The following ATRNL1 variants were observed in gnomAD, a reference collection of about 807,000 sequenced individuals.
ATRNL1 encodes attractin like 1.
Under a neutral mutation model 182.7 loss-of-function variants are expected in ATRNL1, and 95 were observed. That is an observed-to-expected ratio of 0.52 (90% CI 0.44 to 0.62). The LOEUF (loss-of-function observed/expected upper bound fraction) is 0.62, where lower values mean the gene tolerates loss of function less well. Ranked by LOEUF, ATRNL1 falls within the 20% of genes least tolerant of loss-of-function variation. The probability of loss-of-function intolerance (pLI) is 0.00; values close to 1 mark genes in which losing one functional copy is unlikely to be tolerated. For missense variants in ATRNL1, 1,471 were observed against 1,679.5 expected, an observed-to-expected ratio of 0.88 and a Z score of 2.17; for synonymous variants, 576 against 568.3, an observed-to-expected ratio of 1.01 and a Z score of -0.19.
intron 28 of ATRNL1, among the ~76,000 whole-genome samples, chr10:115,937,519 G>A (rs1953597037): frequency 6.6e-6 from 1 of 152,170 alleles, no homozygotes; most frequent in Non-Finnish European, 1.5e-5. Flanking sequence ...AAATTAAAAT[G>A]GAAATGCATA....
chr10:115,296,593 A>G (rs550157017), intron 15 of ATRNL1, among the ~76,000 whole-genome samples: 21 of 152,358 alleles, frequency 1.4e-4, no homozygotes, highest in Admixed American at 1.2e-3. Context: ...CCCCATTAAT[A>G]AAACTGATGA....
chr10:115,138,482 C>CT (rs1380893906), intron 5 of ATRNL1, among the ~76,000 whole-genome samples: 1 of 152,212 alleles, frequency 6.6e-6, no homozygotes, highest in Non-Finnish European at 1.5e-5. Context: ...TGAAGGTTCC[C>CT]AAACCTCAAT....
chr10:115,712,732 G>T (rs1947098213), intron 26 of ATRNL1, among the ~76,000 whole-genome samples: 1 of 152,004 alleles, frequency 6.6e-6, no homozygotes, highest in Non-Finnish European at 1.5e-5. Flanking sequence ...GCCAGGCGTG[G>T]TGATGTGCGC....
intron 19 of ATRNL1, among the ~76,000 whole-genome samples, chr10:115,372,649 T>C (rs1360207445): frequency 6.6e-6 from 1 of 152,228 alleles, no homozygotes; most frequent in East Asian, 1.9e-4. Context: ...TTATTGTGTG[T>C]TCTTGCCACC....
At chr10:115,334,494 G>T in intron 19 of ATRNL1, 75 bp downstream of exon 19, 1 of 1,189,506 alleles carries the variant, frequency 8.4e-7, no homozygotes, top group Non-Finnish European at 1.1e-6. Context: ...GCCTGTTGTG[G>T]AGAATATATA....
At chr10:115,864,749 G>T (rs782233780) in intron 28 of ATRNL1, among the ~76,000 whole-genome samples, 2 of 152,164 alleles carry the variant, frequency 1.3e-5, no homozygotes, top group Non-Finnish European at 2.9e-5. Flanking sequence ...TTGGGAGGCC[G>T]AGGTGGGCGG....
At chr10:115,545,598 G>A (rs1231710546) in intron 25 of ATRNL1, among the ~76,000 whole-genome samples, 1 of 152,102 alleles carries the variant, frequency 6.6e-6, no homozygotes, top group Non-Finnish European at 1.5e-5. Context: ...GTTTAGATAA[G>A]AAAGAATTTA....
At chr10:115,920,865 TAAG>T (rs1447043131) in intron 28 of ATRNL1, among the ~76,000 whole-genome samples, 1 of 152,184 alleles carries the variant, frequency 6.6e-6, no homozygotes, top group East Asian at 1.9e-4. Context: ...AAGAAGAAGT[TAAG>T]AAGTATCAAA....
In ATRNL1 at chr10:115,841,779, T is replaced by C. The variant is rs531244380; in HGVS notation, c.3904-6098T>C. On this transcript the variant is annotated intron_variant, in intron 27 of 28. Transcript: ENST00000355044. The stretch of plus-strand genomic sequence containing the variant: ...AGAATATGATTTTCGCTTCCATTTT[T>C]TTCCCCAAGCCTAAACAATGGAATC... 5.3e-5 allele frequency among the ~76,000 whole-genome samples: 8 copies of C among 152,210 alleles called. No individual in the cohort carries two copies. In the South Asian group the frequency reaches 1.7e-3, roughly 32 times the overall value.
At chr10:115,678,487 A>G (rs1945940650) in intron 26 of ATRNL1, among the ~76,000 whole-genome samples, 1 of 151,986 alleles carries the variant, frequency 6.6e-6, no homozygotes, top group African/African-American at 2.4e-5. Flanking sequence ...TCATCATTAC[A>G]TTTTCTTTTA....
chr10:115,665,425 T>A lies in ATRNL1; in HGVS notation c.3796-61823T>A, dbSNP rs144798154. On this transcript the variant is annotated intron_variant, in intron 26 of 28. Coordinates refer to ENST00000355044, the MANE Select transcript of ATRNL1 (RefSeq NM_207303.4). The stretch of plus-strand genomic sequence containing the variant: ...TCGTGACTTTCAGTCAGTACTCTTT[T>A]GGCCTTTGAAAAAATACAGACCTGC... Among the ~76,000 whole-genome samples the A allele has an allele frequency of 1.6e-4, 24 of 152,242 alleles. No individual in the cohort carries two copies. The East Asian group carries it at 3.5e-3, about 22-fold the overall frequency.
intron 25 of ATRNL1, among the ~76,000 whole-genome samples, chr10:115,545,208 C>A (rs1320302948): frequency 1.4e-5 from 2 of 139,068 alleles, no homozygotes; most frequent in Non-Finnish European, 3.0e-5. Context: ...GCACTCCAGC[C>A]TGGGTGACAG....
chr10:115,359,506 G>A (rs1554943686), intron 19 of ATRNL1, among the ~76,000 whole-genome samples: 2 of 151,412 alleles, frequency 1.3e-5, no homozygotes, highest in African/African-American at 4.8e-5. Flanking sequence ...TTTATTTTCA[G>A]CAATTGGGCC....
At chr10:115,912,961 A>G (rs150201215) in intron 28 of ATRNL1, among the ~76,000 whole-genome samples, 189 of 152,254 alleles carry the variant, frequency 1.2e-3, no homozygotes, top group African/African-American at 4.5e-3. Context: ...AGAGCTCCCA[A>G]TTCCCCACAG....
chr10:115,384,266 T>C (rs1858204423), intron 19 of ATRNL1, among the ~76,000 whole-genome samples: 1 of 152,030 alleles, frequency 6.6e-6, no homozygotes, highest in Admixed American at 6.6e-5. Flanking sequence ...TCTTTAAAAG[T>C]GCCCTTAGAT....
intron 26 of ATRNL1, among the ~76,000 whole-genome samples, chr10:115,694,209 A>C (rs937358000): frequency 6.7e-6 from 1 of 148,916 alleles, no homozygotes; most frequent in African/African-American, 2.5e-5. Flanking sequence ...CACACTTCCC[A>C]CTGTATATCA....
chr10:115,093,531 G>A lies in ATRNL1; in HGVS notation c.-220G>A. 2.9e-6 allele frequency: 2 copies of A among 679,650 alleles called. No individual in the cohort carries two copies. The highest frequency in any genetic ancestry group is 5.3e-6 in the Non-Finnish European group (2 of 375,118). The allele number at this position is 679,650 out of a possible 1,614,324, so 42.1% of individuals were successfully genotyped here. ...GTCGGCCCGCTAAGGACAAGGTCGG[G>A]AGACTGGGTGGCGATGCCCGAGTGC... On this transcript the variant is annotated 5_prime_UTR_variant, in exon 1 of 29. Coordinates refer to ENST00000355044, the MANE Select transcript of ATRNL1 (RefSeq NM_207303.4). This position sits in a 1 kb window ranked among gnomAD's most constrained non-coding sequence, Gnocchi z 6.1.
intron 26 of ATRNL1, among the ~76,000 whole-genome samples, chr10:115,636,247 T>A (rs1315039805): frequency 6.6e-6 from 1 of 152,088 alleles, no homozygotes; most frequent in East Asian, 1.9e-4. Context: ...ATCCCTTGGT[T>A]CCGACACTCT....
chr10:115,751,171 G>A (rs901322213), intron 27 of ATRNL1, among the ~76,000 whole-genome samples: 4 of 151,962 alleles, frequency 2.6e-5, no homozygotes, highest in African/African-American at 9.7e-5. Flanking sequence ...AGGTTAGAAC[G>A]GTGTGATCAG....
Sources: gnomAD v4.1 joint callset for allele counts (sites outside exome capture counted in the v4.1 genomes callset) on GRCh38, gnomAD v4.1.1 for gene constraint, Gnocchi (gnomAD v3.1) non-coding constraint, MANE v1.5 for transcripts, NCBI Gene and HGNC (gene_info 2026-07-23, HGNC 2026-07-21) for gene names.